Variants in SGCZ observed in about 807,000 individuals in gnomAD.
SGCZ encodes the protein zeta-sarcoglycan.
SGCZ carries 40 observed loss-of-function variants against 41.3 expected under a neutral mutation model. The ratio of observed to expected loss-of-function variants is 0.97; its 90% CI spans 0.75 to 1.26. The LOEUF (loss-of-function observed/expected upper bound fraction) is 1.26, where lower values mean the gene tolerates loss of function less well. Ranked by LOEUF, SGCZ falls within the 50% of genes most tolerant of loss-of-function variation. The pLI, the probability that SGCZ is intolerant of heterozygous loss-of-function variation, is 0.00. For missense variants in SGCZ, 552 were observed against 369.8 expected (o/e 1.49, Z -4.04); for synonymous variants, 206 against 137.5 (o/e 1.50, Z -3.49).
intron 1 of SGCZ, among the ~76,000 whole-genome samples, chr8:14,820,866 G>T (rs779621457): frequency 5.3e-5 from 7 of 130,962 alleles, no homozygotes; most frequent in African/African-American, 2.0e-4. Context: ...TAAACCCCTA[G>T]ATCAAAAAAC....
rs184682778 is a variant in SGCZ at position 14,715,936 on chromosome 8, C to T, written c.40-161010G>A. On this transcript the variant is annotated intron_variant, in intron 1 of 7. Coordinates refer to ENST00000382080, the MANE Select transcript of SGCZ (RefSeq NM_139167.4). ...GTAGAAATAAAGATATCAGTATATA[C>T]TGGTAAGATAATCCACTCACTAGAA... Among the ~76,000 whole-genome samples the T allele has an allele frequency of 6.5e-4, 99 of 152,232 alleles. 2 individuals carry two copies. Among genetic ancestry groups the T allele is most frequent in the Admixed American group, 4.5e-3 (69 of 15,280 alleles).
intron 2 of SGCZ, among the ~76,000 whole-genome samples, chr8:14,452,502 T>A (rs910771456): frequency 1.3e-5 from 2 of 151,736 alleles, no homozygotes; most frequent in African/African-American, 2.4e-5. Context: ...ATAATAATAA[T>A]AATAAAATAA....
chr8:15,124,597 C>T (rs1319130866), intron 1 of SGCZ, among the ~76,000 whole-genome samples: 1 of 152,144 alleles, frequency 6.6e-6, no homozygotes, highest in Non-Finnish European at 1.5e-5. Context: ...TTTGAAGTTT[C>T]CTCTTCAATT....
chr8:14,124,224 A>C (rs1161599083), intron 5 of SGCZ, among the ~76,000 whole-genome samples: 1 of 152,204 alleles, frequency 6.6e-6, no homozygotes, highest in Admixed American at 6.5e-5. Flanking sequence ...AATAATTTTA[A>C]AATGTAGGCA....
chr8:15,078,628 A>T (rs997039153), intron 1 of SGCZ, among the ~76,000 whole-genome samples: 2 of 152,062 alleles, frequency 1.3e-5, no homozygotes, highest in African/African-American at 4.8e-5. Flanking sequence ...ATCTCCACTT[A>T]GTAAGTGATG....
At chr8:14,316,601 C>T (rs768760673) in intron 3 of SGCZ, among the ~76,000 whole-genome samples, 11 of 151,864 alleles carry the variant, frequency 7.2e-5, no homozygotes, top group Non-Finnish European at 1.5e-4. Context: ...AACCCGGAAA[C>T]ACTTTCACCT....
chr8:14,370,309 A>G (rs765920208), intron 2 of SGCZ, among the ~76,000 whole-genome samples: 6 of 152,016 alleles, frequency 3.9e-5, no homozygotes, highest in Non-Finnish European at 7.4e-5. Flanking sequence ...TTGGTCAGCC[A>G]TCTTATATTC....
chr8:14,779,857 C>T (rs1229809645), intron 1 of SGCZ, among the ~76,000 whole-genome samples: 1 of 152,100 alleles, frequency 6.6e-6, no homozygotes, highest in East Asian at 1.9e-4. Context: ...TTAATAATTG[C>T]ATTTAATTAA....
intron 1 of SGCZ, among the ~76,000 whole-genome samples, chr8:15,210,321 T>C (rs1281209489): frequency 1.3e-5 from 2 of 152,158 alleles, no homozygotes; most frequent in Non-Finnish European, 2.9e-5. Flanking sequence ...ACTGTCTTTA[T>C]GATATGAAGT....
intron 2 of SGCZ, among the ~76,000 whole-genome samples, chr8:14,412,443 G>A (rs1426531494): frequency 1.3e-5 from 2 of 151,974 alleles, no homozygotes; most frequent in African/African-American, 2.4e-5. Flanking sequence ...GGAATTATGT[G>A]GTGAAATATT....
At chr8:15,045,081 A>ATATT (rs58199682) in intron 1 of SGCZ, among the ~76,000 whole-genome samples, 5,955 of 151,714 alleles carry the variant, frequency 0.039, 136 homozygotes, top group Non-Finnish European at 0.056. Flanking sequence ...TGAGCTTTTT[A>ATATT]TATTTATTTA....
intron 1 of SGCZ, among the ~76,000 whole-genome samples, chr8:14,606,785 G>C (rs1017457664): frequency 1.3e-5 from 2 of 152,134 alleles, no homozygotes; most frequent in African/African-American, 2.4e-5. Flanking sequence ...AAGAAGAAAT[G>C]CTATGATGTG....
intron 1 of SGCZ, among the ~76,000 whole-genome samples, chr8:14,660,750 G>C (rs1234408843): frequency 6.6e-6 from 1 of 151,968 alleles, no homozygotes; most frequent in Non-Finnish European, 1.5e-5. Flanking sequence ...TACTGGGAAA[G>C]CTTGGCATTC....
chr8:14,842,758 T>C (rs1802969456), intron 1 of SGCZ, among the ~76,000 whole-genome samples: 1 of 152,222 alleles, frequency 6.6e-6, no homozygotes, highest in African/African-American at 2.4e-5. Flanking sequence ...TTGGGATTTG[T>C]ACACTGGATT....
chr8:14,883,973 T>C (rs1804695064), intron 1 of SGCZ, among the ~76,000 whole-genome samples: 1 of 152,106 alleles, frequency 6.6e-6, no homozygotes, highest in Non-Finnish European at 1.5e-5. Flanking sequence ...TTACTTATCA[T>C]ATATTTAGAA....
intron 2 of SGCZ, among the ~76,000 whole-genome samples, chr8:14,544,781 G>GAC (rs1803573961): frequency 6.6e-6 from 1 of 152,112 alleles, no homozygotes; most frequent in African/African-American, 2.4e-5. Context: ...ACTGAACATA[G>GAC]ACCCTTATCT....
intron 1 of SGCZ, among the ~76,000 whole-genome samples, chr8:15,063,619 T>A (rs781676461): frequency 6.6e-6 from 1 of 152,184 alleles, no homozygotes; most frequent in Non-Finnish European, 1.5e-5. Context: ...TATACTGTCT[T>A]CATTATTCTG....
chr8:14,667,209 G>A (rs1373501959), intron 1 of SGCZ, among the ~76,000 whole-genome samples: 1 of 152,118 alleles, frequency 6.6e-6, no homozygotes, highest in Non-Finnish European at 1.5e-5. Flanking sequence ...GTTTTGGAGA[G>A]GGCATCAATT....
intron 1 of SGCZ, among the ~76,000 whole-genome samples, chr8:14,825,255 A>G (rs1464946959): frequency 6.6e-6 from 1 of 152,176 alleles, no homozygotes; most frequent in Admixed American, 6.5e-5. Flanking sequence ...ATCCTTAGCA[A>G]GATACATGAA....
Sources: allele counts gnomAD v4.1 joint callset (sites outside exome capture counted in the v4.1 genomes callset), GRCh38; gene constraint gnomAD v4.1.1; transcripts MANE v1.5; gene names NCBI Gene and HGNC (gene_info 2026-07-23, HGNC 2026-07-21).